Variants in NEURL1B observed in about 807,000 individuals in gnomAD.
NEURL1B encodes the protein neuralized E3 ubiquitin protein ligase 1B, also known as E3 ubiquitin-protein ligase NEURL1B.
NEURL1B carries 13 observed loss-of-function variants against 37.4 expected under a neutral mutation model. The observed-to-expected ratio is 0.35, with a 90% CI of 0.23 to 0.55. The LOEUF (loss-of-function observed/expected upper bound fraction) is 0.55, where lower values mean the gene tolerates loss of function less well. Ranked by LOEUF, NEURL1B falls within the 20% of genes least tolerant of loss-of-function variation. The pLI, the probability that NEURL1B is intolerant of heterozygous loss-of-function variation, is 0.89. For missense variants in NEURL1B, 790 were observed against 879.2 expected (o/e 0.90, Z 1.28); for synonymous variants, 432 against 426.6 (o/e 1.01, Z -0.16).
At chr5:172,658,853 C>A (rs918225930) in intron 1 of NEURL1B, among the ~76,000 whole-genome samples, 1 of 152,152 alleles carries the variant, frequency 6.6e-6, no homozygotes, top group Non-Finnish European at 1.5e-5. Context: ...AGGCCCTACC[C>A]CCAATTCTTT....
At chr5:172,658,865 T>C (rs1050827809) in intron 1 of NEURL1B, among the ~76,000 whole-genome samples, 1 of 152,150 alleles carries the variant, frequency 6.6e-6, no homozygotes, top group African/African-American at 2.4e-5. Context: ...CAATTCTTTT[T>C]CAGGCCTCAG....
At position 172,684,045 on chromosome 5, in the gene NEURL1B, C is replaced by G; in HGVS notation, c.1204C>G (p.Pro402Ala). The change falls in exon 3 of 5, where the codon CCG becomes GCG. Residue 402 changes from proline to alanine, a missense_variant. By Grantham distance (27) the Pro-to-Ala change is conservative. This residue lies in a region of NEURL1B where 460 missense variants were observed against 407.4 expected (regional missense o/e 1.13). Coordinates refer to ENST00000369800, the MANE Select transcript of NEURL1B (RefSeq NM_001142651.3). ...CGTGCTCCTGGGCATCAACGGGCGTCCGCGCGGCCGCCTGCTGTGCGTCGA... is the reference window on the plus strand; with the variant it reads ...CGTGCTCCTGGGCATCAACGGGCGTGCGCGCGGCCGCCTGCTGTGCGTCGA... ...GDVLLGINGR[P>A]RGRLLCVDTT... 1 of 1,331,994 alleles carries G rather than the reference C, an allele frequency of 7.5e-7. No individual in the cohort carries two copies. 82.5% of individuals were successfully genotyped at this position (1,331,994 alleles called of 1,614,324 possible). A position where few individuals can be genotyped will look rare whatever the true frequency, so the allele number is the denominator to read the frequency against.
intron 2 of NEURL1B, among the ~76,000 whole-genome samples, chr5:172,680,594 T>C (rs1168976291): frequency 6.6e-6 from 1 of 152,240 alleles, no homozygotes; most frequent in Non-Finnish European, 1.5e-5. Context: ...ATATGCCTTT[T>C]TTCTGATTAT....
chr5:172,679,710 C>G (rs551700154), intron 2 of NEURL1B, among the ~76,000 whole-genome samples: 2 of 152,348 alleles, frequency 1.3e-5, no homozygotes, highest in African/African-American at 4.8e-5. Flanking sequence ...TATAACCCAG[C>G]CTTGTAGACA....
chr5:172,686,646 AT>A lies in NEURL1B; in HGVS notation c.1424-33del. The A allele has an allele frequency of 6.5e-7, 1 of 1,530,802 alleles. No individual in the cohort carries two copies. Among genetic ancestry groups the A allele is most frequent in the South Asian group, 1.2e-5 (1 of 83,420 alleles). 94.8% of individuals were successfully genotyped at this position (1,530,802 alleles called of 1,614,324 possible). A position where few individuals can be genotyped will look rare whatever the true frequency, so the allele number is the denominator to read the frequency against. ...CCAACAGAGCCCACCTGAGAGAGAC[AT>A]TGTTAACATATGTCCTCTTCTCCCT... is the stretch of plus-strand genomic sequence containing the variant. On this transcript the variant is annotated intron_variant, in intron 4 of 4. Transcript: ENST00000369800. This position sits in a 1 kb window ranked among gnomAD's most constrained non-coding sequence, Gnocchi z 7.9.
chr5:172,683,904 C>A lies in NEURL1B; in HGVS notation c.1063C>A (p.Leu355Met). The A allele has an allele frequency of 7.1e-7, 1 of 1,415,114 alleles. No individual in the cohort carries two copies. 87.7% of individuals were successfully genotyped at this position (1,415,114 alleles called of 1,614,324 possible). Residue 355 changes from leucine to methionine, a missense_variant, in exon 3 of 5, where the codon CTG becomes ATG. Physicochemically the swap from Leu to Met is conservative, Grantham distance 15. This residue lies in a region of NEURL1B where 460 missense variants were observed against 407.4 expected (regional missense o/e 1.13). Coordinates refer to ENST00000369800, the MANE Select transcript of NEURL1B (RefSeq NM_001142651.3). This position sits in a 1 kb window ranked among gnomAD's most constrained non-coding sequence, Gnocchi z 5.6. The stretch of plus-strand genomic sequence containing the variant: ...CCCGGGCGTGCTACGGCCCAACGAG[C>A]TGCCCGCCGACCCAGACGCGCTGCT... The part of the protein sequence containing the change: ...CDPGVLRPNE[L>M]PADPDALLDR...
At chr5:172,684,496 T>G (rs1758444678) in intron 3 of NEURL1B, among the ~76,000 whole-genome samples, 1 of 152,190 alleles carries the variant, frequency 6.6e-6, no homozygotes, top group Admixed American at 6.5e-5. Context: ...CGGTAAATGG[T>G]CGGTGCGATT....
At chr5:172,678,018 G>C (rs190499670) in intron 2 of NEURL1B, among the ~76,000 whole-genome samples, 2 of 151,938 alleles carry the variant, frequency 1.3e-5, no homozygotes, top group South Asian at 4.2e-4. Flanking sequence ...GCCCACTACC[G>C]GGCCCCTCGC....
chr5:172,649,807 C>T (rs1011837930), intron 1 of NEURL1B, among the ~76,000 whole-genome samples: 2 of 152,230 alleles, frequency 1.3e-5, no homozygotes, highest in Non-Finnish European at 2.9e-5. Context: ...TGTGTCCACC[C>T]AGCCTCAGAA....
At chr5:172,684,163 G>C (rs1344939402) in intron 3 of NEURL1B, 25 bp downstream of exon 3, 1 of 1,219,812 alleles carries the variant, frequency 8.2e-7, no homozygotes, top group African/African-American at 1.6e-5. Context: ...CCGCGTGCGC[G>C]AGGCCCCGCC....
At chr5:172,668,141 A>G (rs967581942) in intron 1 of NEURL1B, among the ~76,000 whole-genome samples, 22 of 152,066 alleles carry the variant, frequency 1.4e-4, no homozygotes, top group Non-Finnish European at 3.2e-4. Context: ...CCCTCCAGGA[A>G]GAGTACGTTT....
At chr5:172,656,680 G>A (rs1561643309) in intron 1 of NEURL1B, 16 of 1,528,880 alleles carry the variant, frequency 1.0e-5, no homozygotes, top group African/African-American at 1.4e-5. Context: ...GGCTGTTTCA[G>A]TGGCTTCTTC....
rs541720857 is a variant in NEURL1B, at chr5:172,687,095, G to T, written c.*170G>T. 92 of 782,650 alleles carry T rather than the reference G, an allele frequency of 1.2e-4. 1 individual carries two copies. The East Asian group carries it at 1.7e-3, about 14-fold the overall frequency. The allele number at this position is 782,650 out of a possible 1,614,324, so 48.5% of individuals were successfully genotyped here. On this transcript the variant is annotated 3_prime_UTR_variant, in exon 5 of 5. Coordinates refer to ENST00000369800, the MANE Select transcript of NEURL1B (RefSeq NM_001142651.3). ...CCCACAGGGCCTCAGCCCAGGCAGGGGTTGCTTCTGGCTCCAAAGTGCTTT... is the reference window on the plus strand; with the variant it reads ...CCCACAGGGCCTCAGCCCAGGCAGGTGTTGCTTCTGGCTCCAAAGTGCTTT...
intron 2 of NEURL1B, among the ~76,000 whole-genome samples, chr5:172,670,664 C>T (rs1758112111): frequency 6.6e-6 from 1 of 152,236 alleles, no homozygotes; most frequent in Non-Finnish European, 1.5e-5. Context: ...TTCATTCATT[C>T]GCTCACTCAT....
chr5:172,653,658 A>T (rs1757710678), intron 1 of NEURL1B, among the ~76,000 whole-genome samples: 1 of 152,202 alleles, frequency 6.6e-6, no homozygotes, highest in Non-Finnish European at 1.5e-5. Flanking sequence ...AAACAAAAAA[A>T]ATTTTAACCT....
At chr5:172,668,510 T>C (rs1758057332) in intron 1 of NEURL1B, among the ~76,000 whole-genome samples, 1 of 152,042 alleles carries the variant, frequency 6.6e-6, no homozygotes, top group South Asian at 2.1e-4. Flanking sequence ...CTCTTCATTT[T>C]CCCCTGCCCT....
intron 1 of NEURL1B, among the ~76,000 whole-genome samples, chr5:172,663,371 A>C (rs983421235): frequency 6.6e-6 from 1 of 151,774 alleles, no homozygotes; most frequent in Non-Finnish European, 1.5e-5. Context: ...AAATACAAAA[A>C]TTAGCCAGGT....
chr5:172,682,965 C>T (rs567210614), intron 2 of NEURL1B, among the ~76,000 whole-genome samples: 11 of 152,330 alleles, frequency 7.2e-5, no homozygotes, highest in Admixed American at 4.6e-4. Context: ...CTTAGAAGTG[C>T]CCGTTGCGTA....
chr5:172,654,188 C>T (rs1474961373), intron 1 of NEURL1B, among the ~76,000 whole-genome samples: 1 of 152,180 alleles, frequency 6.6e-6, no homozygotes, highest in Non-Finnish European at 1.5e-5. Context: ...TTAATAAAAC[C>T]TTGTTCATTC....
Sources: allele counts gnomAD v4.1 joint callset (sites outside exome capture counted in the v4.1 genomes callset), GRCh38; gene constraint gnomAD v4.1.1; regional missense constraint gnomAD v4.1.1; non-coding constraint Gnocchi (gnomAD v3.1); transcripts MANE v1.5; gene names NCBI Gene and HGNC (gene_info 2026-07-23, HGNC 2026-07-21).